The following PRRC2B variants were observed in gnomAD, a reference collection of about 807,000 sequenced individuals.
PRRC2B encodes proline rich coiled-coil 2B.
PRRC2B carries 68 observed loss-of-function variants against 242.3 expected under a neutral mutation model. The observed-to-expected ratio is 0.28, with a 90% CI of 0.23 to 0.34. PRRC2B has a LOEUF of 0.34. Ranked by LOEUF, PRRC2B falls within the 10% of genes least tolerant of loss-of-function variation. PRRC2B has a pLI of 1.00. For missense variants in PRRC2B, 2,835 were observed against 2,954.8 expected, an observed-to-expected ratio of 0.96 and a Z score of 0.94; for synonymous variants, 1,228 against 1,173.6, an observed-to-expected ratio of 1.05 and a Z score of -0.95.
At chr9:131,415,903 C>T (rs1348035878) in intron 1 of PRRC2B, among the ~76,000 whole-genome samples, 1 of 152,104 alleles carries the variant, frequency 6.6e-6, no homozygotes, top group Non-Finnish European at 1.5e-5. Flanking sequence ...TACTTCAACT[C>T]TGGGAACTAT....
intron 9 of PRRC2B, among the ~76,000 whole-genome samples, chr9:131,450,841 G>T (rs539635668): frequency 6.6e-6 from 1 of 152,174 alleles, no homozygotes; most frequent in Admixed American, 6.5e-5. Context: ...GTCCGCCTTG[G>T]CCTCCCAAAG....
chr9:131,459,760 A>C (rs1943188706), intron 11 of PRRC2B, among the ~76,000 whole-genome samples: 1 of 152,048 alleles, frequency 6.6e-6, no homozygotes, highest in South Asian at 2.1e-4. Context: ...GCTAGTCTTG[A>C]GCTCGTGGGC....
chr9:131,412,099 A>G (rs895069914), intron 1 of PRRC2B, among the ~76,000 whole-genome samples: 3 of 151,942 alleles, frequency 2.0e-5, no homozygotes, highest in African/African-American at 7.3e-5. Context: ...GAGCCACTGT[A>G]CCTGGCCTGA....
At chr9:131,484,538 C>A in intron 23 of PRRC2B, 148 bp from the exon 24 acceptor site, 1 of 587,192 alleles carries the variant, frequency 1.7e-6, no homozygotes, top group Non-Finnish European at 2.9e-6. Context: ...GCTGTAGGTG[C>A]TTTTGGGAAA....
Position 131,474,864 on chromosome 9 carries a change from C to T in PRRC2B, c.2735C>T (p.Pro912Leu), listed in dbSNP as rs1026765737. The change falls in exon 16 of 32, where the codon CCA becomes CTA. Residue 912 changes from proline to leucine, a missense_variant. Physicochemically the swap from Pro to Leu is moderately conservative, Grantham distance 98. Transcript: ENST00000683519. ...WDKNGSPNKQ[P>L]SSEPEWTPEP... Reference sequence around the variant, plus strand: ...AAGAACGGGAGCCCCAACAAACAGCCATCCTCGGAGCCTGAATGGACTCCC... The same window carrying T: ...AAGAACGGGAGCCCCAACAAACAGCTATCCTCGGAGCCTGAATGGACTCCC... The T allele has an allele frequency of 8.1e-6, 13 of 1,606,524 alleles. No individual in the cohort carries two copies. In the Admixed American group the frequency reaches 2.2e-4, roughly 27 times the overall value.
chr9:131,413,262 T>C (rs1837551863), intron 1 of PRRC2B, among the ~76,000 whole-genome samples: 1 of 152,164 alleles, frequency 6.6e-6, no homozygotes, highest in Non-Finnish European at 1.5e-5. Context: ...TGCCTTCGCC[T>C]CTTTTAAAAA....
chr9:131,432,844 TC>T, intron 3 of PRRC2B, 50 bp downstream of exon 3: 1 of 1,586,928 alleles, frequency 6.3e-7, no homozygotes, highest in Middle Eastern at 2.1e-4. Flanking sequence ...CCAAGGGTGG[TC>T]CCGGCATCCT....
intron 1 of PRRC2B, among the ~76,000 whole-genome samples, chr9:131,420,496 T>TCGTTCGTTCGTTCG (rs59621148): frequency 2.6e-5 from 2 of 75,898 alleles, no homozygotes; most frequent in African/African-American, 1.1e-4. Context: ...TTTCTTTCTT[T>TCGTTCGTTCGTTCG]TTTTTTTTTT....
chr9:131,375,180 A>G (rs1021488682), intron 1 of PRRC2B, among the ~76,000 whole-genome samples: 1 of 152,144 alleles, frequency 6.6e-6, no homozygotes, highest in Non-Finnish European at 1.5e-5. Context: ...AAGCGGGTGG[A>G]TCACGACGTC....
chr9:131,396,696 C>T (rs1293272646), intron 1 of PRRC2B, among the ~76,000 whole-genome samples: 1 of 152,030 alleles, frequency 6.6e-6, no homozygotes, highest in Admixed American at 6.6e-5. Context: ...ACCCCAAATT[C>T]TATGGCCGGC....
At chr9:131,378,296 T>G (rs1588232013) in intron 1 of PRRC2B, among the ~76,000 whole-genome samples, 3 of 124,824 alleles carry the variant, frequency 2.4e-5, no homozygotes, top group Non-Finnish European at 3.2e-5. Flanking sequence ...ACGACAAGAG[T>G]GAAACTCTGT....
intron 10 of PRRC2B, among the ~76,000 whole-genome samples, chr9:131,457,102 T>C (rs1588262680): frequency 6.6e-6 from 1 of 152,372 alleles, no homozygotes; most frequent in Non-Finnish European, 1.5e-5. Context: ...CTAAAGTAAG[T>C]GCCCATCTTC....
chr9:131,395,918 G>T (rs998215835), intron 1 of PRRC2B, among the ~76,000 whole-genome samples: 5 of 152,210 alleles, frequency 3.3e-5, no homozygotes, highest in African/African-American at 1.2e-4. Flanking sequence ...CGCCCAAGGA[G>T]TCCTGCCTTC....
chr9:131,404,256 G>A (rs1302634054), intron 1 of PRRC2B, among the ~76,000 whole-genome samples: 1 of 105,934 alleles, frequency 9.4e-6, no homozygotes, highest in Non-Finnish European at 1.9e-5. Context: ...ACAGAGTTTT[G>A]CTTGTTGCCC....
At chr9:131,463,822 G>GCCC (rs1943313062) in intron 11 of PRRC2B, among the ~76,000 whole-genome samples, 1 of 151,728 alleles carries the variant, frequency 6.6e-6, no homozygotes, top group Non-Finnish European at 1.5e-5. Context: ...GGGTAAATAC[G>GCCC]GGGTCTCACC....
intron 1 of PRRC2B, among the ~76,000 whole-genome samples, chr9:131,377,052 T>C (rs558733872): frequency 4.9e-4 from 74 of 152,284 alleles, no homozygotes; most frequent in African/African-American, 1.6e-3. Flanking sequence ...ACCACTCAAA[T>C]GCTGGGGTTA....
intron 5 of PRRC2B, among the ~76,000 whole-genome samples, chr9:131,443,366 G>A (rs1838675513): frequency 6.6e-6 from 1 of 151,778 alleles, no homozygotes. Flanking sequence ...CCGATCTCCT[G>A]ACCTCATGAT....
At chr9:131,426,228 C>G (rs1311166854) in intron 1 of PRRC2B, among the ~76,000 whole-genome samples, 1 of 150,328 alleles carries the variant, frequency 6.7e-6, no homozygotes, top group Non-Finnish European at 1.5e-5. Context: ...AGCCCAGCTA[C>G]TCAGGAGGCT....
intron 10 of PRRC2B, among the ~76,000 whole-genome samples, chr9:131,458,158 C>G (rs894675811): frequency 1.3e-5 from 2 of 152,054 alleles, no homozygotes; most frequent in African/African-American, 2.4e-5. Flanking sequence ...TCCTCTTGCT[C>G]TTTTTATTGT....
Sources: gnomAD v4.1 joint callset for allele counts (sites outside exome capture counted in the v4.1 genomes callset) on GRCh38, gnomAD v4.1.1 for gene constraint, MANE v1.5 for transcripts, NCBI Gene and HGNC (gene_info 2026-07-23, HGNC 2026-07-21) for gene names.